PKHD1L1: variants seen among roughly 807,000 people sequenced by gnomAD.
The protein encoded by PKHD1L1 is fibrocystin-L.
PKHD1L1 carries 434 observed loss-of-function variants against 462.9 expected under a neutral mutation model. The ratio of observed to expected loss-of-function variants is 0.94; its 90% CI spans 0.87 to 1.02. The LOEUF is 1.02. Ranked by LOEUF, PKHD1L1 falls within the 50% of genes least tolerant of loss-of-function variation. The pLI is 0.00. For synonymous variants in PKHD1L1, 1,781 were observed against 1,750.0 expected (o/e 1.02, Z -0.44); for missense variants, 5,202 against 5,096.1 (o/e 1.02, Z -0.63).
At chr8:109,428,664 C>G (rs1172065921) in intron 25 of PKHD1L1, among the ~76,000 whole-genome samples, 1 of 152,182 alleles carries the variant, frequency 6.6e-6, no homozygotes, top group Non-Finnish European at 1.5e-5. Flanking sequence ...TGCATCTACT[C>G]TCTTCCATCT....
Position 109,465,222 on chromosome 8 carries a change from T to C in PKHD1L1, c.8390T>C (p.Ile2797Thr), listed in dbSNP as rs1563575850. ...CGCTGGGAACATGAAATGGTAATGA[T>C]TGATGTTGATGGCTCACTTACAGGT... ...GFRWEHEMVM[I>T]DVDGSLTGHK... Residue 2797 changes from isoleucine (I) to threonine (T), a missense_variant, in exon 49 of 78, where the codon ATT becomes ACT. Around this residue, in one of 3 missense-constraint regions of PKHD1L1, gnomAD observed 4,497 missense variants for 4,336.8 expected, o/e 1.04. Coordinates refer to ENST00000378402, the MANE Select transcript of PKHD1L1 (RefSeq NM_177531.6). The C allele has an allele frequency of 1.9e-6, 3 of 1,613,088 alleles. No individual in the cohort carries two copies. The highest frequency in any genetic ancestry group is 1.7e-6 in the Non-Finnish European group (2 of 1,179,394).
intron 30 of PKHD1L1, among the ~76,000 whole-genome samples, chr8:109,437,072 C>T (rs551185591): frequency 2.6e-5 from 4 of 152,172 alleles, no homozygotes; most frequent in Admixed American, 1.3e-4. Flanking sequence ...TGTACCACCA[C>T]GCCCAGCTAA....
At chr8:109,445,670 C>A in intron 38 of PKHD1L1, 25 bp downstream of exon 38, 1 of 1,542,446 alleles carries the variant, frequency 6.5e-7, no homozygotes, top group Non-Finnish European at 8.9e-7. Context: ...GCCTTATTAT[C>A]TTGATATTAT....
intron 2 of PKHD1L1, among the ~76,000 whole-genome samples, chr8:109,376,804 G>C (rs1381927095): frequency 6.6e-6 from 1 of 152,158 alleles, no homozygotes; most frequent in African/African-American, 2.4e-5. Context: ...CCATTTTTCT[G>C]ATGAGGAGAC....
chr8:109,392,208 G>A (rs1812744972), intron 9 of PKHD1L1, among the ~76,000 whole-genome samples: 1 of 152,068 alleles, frequency 6.6e-6, no homozygotes, highest in Non-Finnish European at 1.5e-5. Flanking sequence ...AATGCTCTTA[G>A]TAGCAACCTT....
intron 10 of PKHD1L1, among the ~76,000 whole-genome samples, chr8:109,395,351 C>A (rs926422175): frequency 6.6e-6 from 1 of 151,936 alleles, no homozygotes; most frequent in South Asian, 2.1e-4. Context: ...ACGTCATTCC[C>A]GGTCAGGAAT....
rs192830680 is a variant in PKHD1L1 at position 109,370,556 on chromosome 8, G to A, written c.163+5920G>A. 3.0e-3 allele frequency among the ~76,000 whole-genome samples: 459 copies of A among 150,976 alleles called. 1 individual carries two copies. The highest frequency in any genetic ancestry group is 9.3e-3 in the African/African-American group (381 of 41,060). ...AAGTTTTAGGGTACATGTGCACAAC[G>A]TGCAGGTTTGTTACATATGTATACA... On this transcript the variant is annotated intron_variant, in intron 2 of 77. Transcript: ENST00000378402.
intron 14 of PKHD1L1, among the ~76,000 whole-genome samples, chr8:109,404,218 T>C (rs921958): frequency 0.3 from 45,194 of 152,020 alleles, 7,303 homozygotes; most frequent in Admixed American, 0.43. Context: ...AACCTCTGCA[T>C]GTTGTCTGTG....
chr8:109,393,384 G>A (rs563189704), intron 9 of PKHD1L1, among the ~76,000 whole-genome samples: 4 of 152,122 alleles, frequency 2.6e-5, no homozygotes, highest in Admixed American at 2.0e-4. Context: ...AGTGGAGAAC[G>A]TCTTGAAGGT....
At chr8:109,475,666 G>A (rs892068702) in intron 51 of PKHD1L1, among the ~76,000 whole-genome samples, 11 of 150,372 alleles carry the variant, frequency 7.3e-5, no homozygotes, top group South Asian at 4.2e-4. Context: ...GAGAAACCTC[G>A]TCTCTATTAA....
intron 60 of PKHD1L1, among the ~76,000 whole-genome samples, 184 bp from the exon 61 acceptor site, chr8:109,490,788 T>TG (rs1818784930): frequency 6.6e-6 from 1 of 151,768 alleles, no homozygotes. Flanking sequence ...TTCAGATATA[T>TG]GGAAATTTCC....
intron 2 of PKHD1L1, among the ~76,000 whole-genome samples, chr8:109,367,762 A>C (rs1032027124): frequency 6.6e-6 from 1 of 152,208 alleles, no homozygotes; most frequent in African/African-American, 2.4e-5. Flanking sequence ...TTAGTCCAGC[A>C]TGATGGCCTG....
chr8:109,453,462 A>G (rs745379714), intron 43 of PKHD1L1, among the ~76,000 whole-genome samples: 8 of 152,196 alleles, frequency 5.3e-5, no homozygotes, highest in Non-Finnish European at 1.2e-4. Flanking sequence ...TTGCATGTAA[A>G]AGAATCATTA....
At position 109,364,528 on chromosome 8, in the gene PKHD1L1, G is replaced by C. The variant is rs753960366; in HGVS notation, c.74-19G>C. 2.0e-6 allele frequency: 3 copies of C among 1,508,066 alleles called. No individual in the cohort carries two copies. The highest frequency in any genetic ancestry group is 2.7e-6 in the Non-Finnish European group (3 of 1,097,832). The allele number at this position is 1,508,066 out of a possible 1,614,324, so 93.4% of individuals were successfully genotyped here. A position where few individuals can be genotyped will look rare whatever the true frequency, so the allele number is the denominator to read the frequency against. On this transcript the variant is annotated intron_variant, in intron 1 of 77. Coordinates refer to ENST00000378402, the MANE Select transcript of PKHD1L1 (RefSeq NM_177531.6). ...GAACTTGGTGATTTTTACCTCTACTGTATTTTAATATTTTTCAGATGGCTC... is the reference window on the plus strand; with the variant it reads ...GAACTTGGTGATTTTTACCTCTACTCTATTTTAATATTTTTCAGATGGCTC...
intron 41 of PKHD1L1, 65 bp from the exon 42 acceptor site, chr8:109,452,059 G>A (rs1342332120): frequency 6.9e-7 from 1 of 1,458,122 alleles, no homozygotes; most frequent in African/African-American, 1.4e-5. Flanking sequence ...GAATAAAAGG[G>A]TTTGACAGTG....
intron 18 of PKHD1L1, 31 bp from the exon 19 acceptor site, chr8:109,409,834 G>GAAGTTACT (rs1468264721): frequency 7.8e-7 from 1 of 1,288,974 alleles, no homozygotes; most frequent in Non-Finnish European, 1.1e-6. Flanking sequence ...TTCATGAAAA[G>GAAGTTACT]AAGTTACTAA....
chr8:109,435,083 C>T (rs1279343599), intron 28 of PKHD1L1, 107 bp from the exon 29 acceptor site: 3 of 1,148,992 alleles, frequency 2.6e-6, no homozygotes, highest in African/African-American at 1.6e-5. Flanking sequence ...GGATATACTT[C>T]GTGAGATCTA....
intron 32 of PKHD1L1, among the ~76,000 whole-genome samples, chr8:109,440,100 G>T (rs984831012): frequency 2.0e-5 from 3 of 152,002 alleles, no homozygotes; most frequent in African/African-American, 7.2e-5. Flanking sequence ...GATTTTTTCT[G>T]CCTCTCTGCA....
Position 109,444,671 on chromosome 8 carries a change from G to A in PKHD1L1, c.4802G>A (p.Gly1601Asp). 1 of 1,611,268 alleles carries A rather than the reference G, an allele frequency of 6.2e-7. No homozygotes were observed. The highest frequency in any genetic ancestry group is 8.5e-7 in the Non-Finnish European group (1 of 1,177,924). Residue 1601 changes from glycine to aspartate, a missense_variant, in exon 38 of 78, where the codon GGT becomes GAT. Gly to Asp is a moderately conservative substitution (Grantham distance 94, BLOSUM62 -1). Around this residue, in one of 3 missense-constraint regions of PKHD1L1, gnomAD observed 4,497 missense variants for 4,336.8 expected, o/e 1.04. Transcript: ENST00000378402. ...TCATTTTACTTACAGGTTACAATTG[G>A]TAGCTACCCCTGTGTCGTAGAAGAA... ...NLPWANKVTI[G>D]SYPCVVEESS... is the part of the protein sequence containing the mutation.
Sources: allele counts gnomAD v4.1 joint callset (sites outside exome capture counted in the v4.1 genomes callset), GRCh38; gene constraint gnomAD v4.1.1; regional missense constraint gnomAD v4.1.1; transcripts MANE v1.5; gene names NCBI Gene and HGNC (gene_info 2026-07-23, HGNC 2026-07-21).